Variants in EIF4A3 observed in about 807,000 individuals in gnomAD.
The protein encoded by EIF4A3 is eukaryotic translation initiation factor 4A3.
Under a neutral mutation model 55.6 loss-of-function variants are expected in EIF4A3, and 1 was observed. That is an observed-to-expected ratio of 0.02 (90% CI 0.01 to 0.09). EIF4A3 has a LOEUF of 0.09. Ranked by LOEUF, EIF4A3 falls within the 10% of genes least tolerant of loss-of-function variation. The pLI is 1.00. For synonymous variants in EIF4A3, 194 were observed against 196.3 expected, an observed-to-expected ratio of 0.99 and a Z score of 0.10; for missense variants, 221 against 540.7, an observed-to-expected ratio of 0.41 and a Z score of 5.86.
chr17:80,145,416 T>C (rs1399495923), intron 1 of EIF4A3, among the ~76,000 whole-genome samples: 1 of 151,832 alleles, frequency 6.6e-6, no homozygotes, highest in Non-Finnish European at 1.5e-5. Context: ...ATACAAAAAT[T>C]AGTAGGACGT....
rs1401675142 is a variant in EIF4A3 at position 80,141,857 on chromosome 17, G to A, written c.243-9C>T. The A allele has an allele frequency of 6.2e-7, 1 of 1,613,440 alleles. No individual in the cohort carries two copies. On this transcript the variant is annotated splice_polypyrimidine_tract_variant and intron_variant, in intron 2 of 11. Coordinates refer to ENST00000649764, the MANE Select transcript of EIF4A3 (RefSeq NM_014740.4). ...CTGTGCCGGACTGAGACCTATTCAA[G>A]GAAACAAAAGCAGTGGGATTAGAGG... is the stretch of plus-strand genomic sequence containing the variant.
chr17:80,145,238 C>T (rs2039649817), intron 1 of EIF4A3, among the ~76,000 whole-genome samples: 1 of 152,198 alleles, frequency 6.6e-6, no homozygotes, highest in East Asian at 1.9e-4. Context: ...AGCAACTTCG[C>T]TTCACTTTGT....
chr17:80,136,361 C>A, intron 9 of EIF4A3, 26 bp from the exon 10 acceptor site: 1 of 1,572,536 alleles, frequency 6.4e-7, no homozygotes, highest in South Asian at 1.1e-5. Flanking sequence ...GTGTTTGAGG[C>A]GATTAAATTA....
At chr17:80,137,691 CCT>C in intron 8 of EIF4A3, 190 bp from the exon 9 acceptor site, 2 of 556,472 alleles carry the variant, frequency 3.6e-6, no homozygotes, top group Non-Finnish European at 6.4e-6. Flanking sequence ...CTCACAAAAC[CCT>C]CTTACTTCAT....
chr17:80,141,196 T>A, intron 4 of EIF4A3, 123 bp downstream of exon 4: 1 of 1,035,936 alleles, frequency 9.7e-7, no homozygotes, highest in Non-Finnish European at 1.4e-6. Context: ...AAAATGTTAA[T>A]CAGGAAGAAA....
rs2039569009 is a variant in EIF4A3 at position 80,136,235 on chromosome 17, T to C, written c.1084A>G (p.Ile362Val). The change falls in exon 10 of 12, where the codon ATA becomes GTA. Residue 362 changes from isoleucine to valine, a missense_variant. Transcript: ENST00000649764. ...TGAGAGCTTGCACCTTACCTGTGTA[T>C]GTACAATTCTCTGTTATTAGGGAGA... ...YDLPNNRELY[I>V]HRIGRSGRYG... is the part of the protein sequence containing the mutation. 1.9e-6 allele frequency: 3 copies of C among 1,613,656 alleles called. No homozygotes were observed. The highest frequency in any genetic ancestry group is 1.3e-5 in the African/African-American group (1 of 74,930).
At chr17:80,140,669 G>A (rs961036627) in intron 4 of EIF4A3, among the ~76,000 whole-genome samples, 6 of 152,068 alleles carry the variant, frequency 3.9e-5, no homozygotes, top group African/African-American at 9.7e-5. Flanking sequence ...TATTACAAAA[G>A]CTATATCATT....
In EIF4A3 at chr17:80,137,397, C is replaced by T. The variant is rs370626941; in HGVS notation, c.972G>A (p.Arg324=). Residue 324 remains arginine, a synonymous_variant, in exon 9 of 12, where the codon CGG becomes CGA. Transcript: ENST00000649764. ...KERESIMKEF[R]SGASRVLIST... is the part of the protein sequence containing the mutation. The stretch of plus-strand genomic sequence containing the variant: ...CATAGCAGACCCACCTGGCGCCCGA[C>T]CGGAACTCCTTCATGATGGACTCCC... 2 of 1,613,694 alleles carry T rather than the reference C, an allele frequency of 1.2e-6. No individual in the cohort carries two copies. The highest frequency in any genetic ancestry group is 8.5e-7 in the Non-Finnish European group (1 of 1,179,822).
At chr17:80,146,326 T>A (rs906392528) in intron 1 of EIF4A3, among the ~76,000 whole-genome samples, 2 of 151,758 alleles carry the variant, frequency 1.3e-5, no homozygotes, top group African/African-American at 4.8e-5. Flanking sequence ...CTTTACTAAT[T>A]CTCTCCTCCT....
At chr17:80,145,149 G>A (rs2039649276) in intron 1 of EIF4A3, among the ~76,000 whole-genome samples, 1 of 152,238 alleles carries the variant, frequency 6.6e-6, no homozygotes, top group African/African-American at 2.4e-5. Flanking sequence ...GGCAGGGACT[G>A]CCTGAGTGCC....
chr17:80,136,138 G>T lies in EIF4A3; in HGVS notation c.1092-7C>A. The T allele has an allele frequency of 1.2e-6, 2 of 1,613,700 alleles. No homozygotes were observed. The highest frequency in any genetic ancestry group is 2.2e-5 in the South Asian group (2 of 90,956). On this transcript the variant is annotated splice_region_variant and splice_polypyrimidine_tract_variant and intron_variant, in intron 10 of 11. Coordinates refer to ENST00000649764, the MANE Select transcript of EIF4A3 (RefSeq NM_014740.4). ...TCGACCTGATCTCCCAATTCTTCAG[G>T]AATAAAATAATATTACAGTTAGTAT...
intron 6 of EIF4A3, chr17:80,139,469 G>A (rs949067780): frequency 3.2e-6 from 2 of 632,658 alleles, no homozygotes; most frequent in African/African-American, 1.8e-5. Context: ...AATAGAGGCT[G>A]GCCTGAGTCA....
At chr17:80,138,907 G>C (rs1043541067) in intron 7 of EIF4A3, 114 bp downstream of exon 7, 32 of 1,401,756 alleles carry the variant, frequency 2.3e-5, no homozygotes, top group South Asian at 4.1e-5. Flanking sequence ...GTTTTGACAC[G>C]AGCTTCAGCA....
chr17:80,138,373 A>G (rs2039590472), intron 7 of EIF4A3, 93 bp from the exon 8 acceptor site: 6 of 1,511,150 alleles, frequency 4.0e-6, no homozygotes, highest in Non-Finnish European at 5.4e-6. Context: ...CCCTGGTGGA[A>G]AAGGTCACAC....
At chr17:80,136,697 G>A (rs925817236) in intron 9 of EIF4A3, 4 of 212,218 alleles carry the variant, frequency 1.9e-5, no homozygotes, top group African/African-American at 4.7e-5. Context: ...GCATGGCGGC[G>A]GCTTATGCCT....
At chr17:80,137,972 C>G (rs577031103) in intron 8 of EIF4A3, among the ~76,000 whole-genome samples, 170 bp downstream of exon 8, 1 of 152,258 alleles carries the variant, frequency 6.6e-6, no homozygotes, top group East Asian at 1.9e-4. Flanking sequence ...GTCACAGCCA[C>G]GTCTGACCGT....
chr17:80,143,177 T>A (rs1229547031), intron 2 of EIF4A3, among the ~76,000 whole-genome samples: 2 of 152,162 alleles, frequency 1.3e-5, no homozygotes, highest in Non-Finnish European at 2.9e-5. Context: ...TTCGAAGAGC[T>A]TCTAGATGGC....
At chr17:80,137,663 A>T (rs186497437) in intron 8 of EIF4A3, 162 bp from the exon 9 acceptor site, 132 of 615,436 alleles carry the variant, frequency 2.1e-4, no homozygotes, top group Admixed American at 1.9e-4. Context: ...ACTTTTTCCC[A>T]GAAAATGTTG....
chr17:80,139,202 G>A (rs371370527), intron 6 of EIF4A3, 40 bp from the exon 7 acceptor site: 24 of 1,608,216 alleles, frequency 1.5e-5, no homozygotes, highest in South Asian at 6.6e-5. Flanking sequence ...TGTTTAGGGC[G>A]GCACACCCAG....
Sources: allele counts gnomAD v4.1 joint callset (sites outside exome capture counted in the v4.1 genomes callset), GRCh38; gene constraint gnomAD v4.1.1; transcripts MANE v1.5; gene names NCBI Gene and HGNC (gene_info 2026-07-23, HGNC 2026-07-21).